Variants in COL23A1 observed in about 807,000 individuals in gnomAD.
COL23A1 encodes collagen alpha-1(XXIII) chain.
Under a neutral mutation model 99.3 loss-of-function variants are expected in COL23A1, and 97 were observed. That is an observed-to-expected ratio of 0.98 (90% confidence interval 0.83 to 1.16). The LOEUF (loss-of-function observed/expected upper bound fraction) is 1.16, where lower values mean the gene tolerates loss of function less well. Ranked by LOEUF, COL23A1 falls within the 50% of genes most tolerant of loss-of-function variation. The pLI, the probability that COL23A1 is intolerant of heterozygous loss-of-function variation, is 0.00. For missense variants in COL23A1, 762 were observed against 757.4 expected (o/e 1.01, Z -0.07); for synonymous variants, 320 against 308.2 (o/e 1.04, Z -0.40).
At chr5:178,470,975 C>A (rs992584258) in intron 2 of COL23A1, among the ~76,000 whole-genome samples, 2 of 152,216 alleles carry the variant, frequency 1.3e-5, no homozygotes, top group African/African-American at 4.8e-5. Flanking sequence ...ACCAGACCCT[C>A]TGAGCTTTGC....
chr5:178,325,222 C>T (rs1342201227), intron 2 of COL23A1, among the ~76,000 whole-genome samples: 1 of 152,336 alleles, frequency 6.6e-6, no homozygotes, highest in Non-Finnish European at 1.5e-5. Context: ...TTGCCTCCTT[C>T]CTCTCATTCC....
At chr5:178,324,079 C>T (rs1486650227) in intron 2 of COL23A1, among the ~76,000 whole-genome samples, 1 of 152,098 alleles carries the variant, frequency 6.6e-6, no homozygotes, top group Admixed American at 6.5e-5. Flanking sequence ...GCCCTGGACA[C>T]AAGCAGCTCC....
chr5:178,433,601 G>C (rs373949805), intron 2 of COL23A1, among the ~76,000 whole-genome samples: 2 of 152,136 alleles, frequency 1.3e-5, no homozygotes, highest in African/African-American at 4.8e-5. Context: ...CCTCTGACCC[G>C]CAGCTCTCCA....
At chr5:178,257,358 T>A (rs879945690) in intron 13 of COL23A1, among the ~76,000 whole-genome samples, 165 bp downstream of exon 13, 4 of 152,090 alleles carry the variant, frequency 2.6e-5, no homozygotes, top group Admixed American at 2.0e-4. Context: ...ACGCTGGGCC[T>A]GTTGTGTGGT....
At chr5:178,399,763 A>G (rs1764336502) in intron 2 of COL23A1, among the ~76,000 whole-genome samples, 1 of 152,242 alleles carries the variant, frequency 6.6e-6, no homozygotes, top group East Asian at 1.9e-4. Context: ...ATCTCTAACT[A>G]AAACCTCACT....
At position 178,256,846 on chromosome 5, in the gene COL23A1, G is replaced by C. The variant is rs757731073; in HGVS notation, c.837+20C>G. 5.6e-6 allele frequency: 9 copies of C among 1,609,910 alleles called. No individual in the cohort carries two copies. The African/African-American group carries it at 1.1e-4, about 19-fold the overall frequency. Reference sequence around the variant, plus strand: ...CTGAGCGGGGCCCGCAGGCGCCAGAGCAGAGAGCTCTCATGTCACCTTCGG... The same window carrying C: ...CTGAGCGGGGCCCGCAGGCGCCAGACCAGAGAGCTCTCATGTCACCTTCGG... On this transcript the variant is annotated intron_variant, in intron 14 of 28. Transcript: ENST00000390654.
chr5:178,433,196 T>C (rs1766358467), intron 2 of COL23A1, among the ~76,000 whole-genome samples: 1 of 150,536 alleles, frequency 6.6e-6, no homozygotes, highest in African/African-American at 2.4e-5. Flanking sequence ...AGAACCCAGC[T>C]GTAAGCTCTG....
chr5:178,581,162 T>C (rs910743919), intron 1 of COL23A1, among the ~76,000 whole-genome samples: 2 of 152,226 alleles, frequency 1.3e-5, no homozygotes, highest in African/African-American at 2.4e-5. Context: ...AAAAGATATA[T>C]TGAATCCACG....
intron 1 of COL23A1, among the ~76,000 whole-genome samples, chr5:178,569,817 T>C (rs640037): frequency 0.37 from 55,587 of 151,960 alleles, 11,388 homozygotes; most frequent in African/African-American, 0.56. Context: ...CACAGTTCCC[T>C]GCCACACAGC....
rs531553500 is a variant in COL23A1 at position 178,446,622 on chromosome 5, G to T, written c.361+114060C>A. On this transcript the variant is annotated intron_variant, in intron 2 of 28. Coordinates refer to ENST00000390654, the MANE Select transcript of COL23A1 (RefSeq NM_173465.4). ...TAGCCACCGCTGTCATAGATACTAT[G>T]AAGTCTGACATTTTTAAACATTGCT... Among the ~76,000 whole-genome samples, 115 of 152,284 alleles carry T rather than the reference G, an allele frequency of 7.6e-4. 1 individual carries two copies. The highest frequency in any genetic ancestry group is 2.6e-3 in the African/African-American group (110 of 41,556).
At chr5:178,559,485 A>C (rs1762446404) in intron 2 of COL23A1, among the ~76,000 whole-genome samples, 1 of 150,944 alleles carries the variant, frequency 6.6e-6, no homozygotes, top group African/African-American at 2.4e-5. Flanking sequence ...ACATCACCCA[A>C]AAGCCACCTT....
rs1405309708 is a variant in COL23A1 at position 178,358,755 on chromosome 5, GTGTGTGTGTA to G, written c.362-51846_362-51837del. Among the ~76,000 whole-genome samples the G allele has an allele frequency of 3.3e-3, 450 of 138,378 alleles. 3 individuals are homozygous for G. The highest frequency in any genetic ancestry group is 0.01 in the African/African-American group (395 of 37,850). 90.8% of individuals were successfully genotyped at this position (138,378 alleles called of 152,430 possible). On this transcript the variant is annotated intron_variant, in intron 2 of 28. Transcript: ENST00000390654. ...TGTATGTGTATCTGTGTGTGTATCTGTGTGTGTGTATGTGTGTGTATGTGTATGTGTGTAA... is the reference window on the plus strand; with the variant it reads ...TGTATGTGTATCTGTGTGTGTATCTGTGTGTGTGTATGTGTATGTGTGTAA...
intron 2 of COL23A1, among the ~76,000 whole-genome samples, chr5:178,498,351 C>A (rs1227192610): frequency 6.7e-6 from 1 of 148,934 alleles, no homozygotes; most frequent in Non-Finnish European, 1.5e-5. Context: ...ACAGATTTAT[C>A]AACACAAATA....
In COL23A1 at chr5:178,400,298, C is replaced by T. The variant is rs1214600523; in HGVS notation, c.362-93379G>A. Among the ~76,000 whole-genome samples, 10 of 129,736 alleles carry T rather than the reference C, an allele frequency of 7.7e-5. No homozygotes were observed. In the East Asian group the frequency reaches 1.0e-3, roughly 13 times the overall value. 85.1% of individuals were successfully genotyped at this position (129,736 alleles called of 152,430 possible). ...AGGAGAATGGCGTGAACCTGGGAGGCGGAGCTTGCAGTGAGCCGAGATCGC... is the reference window on the plus strand; with the variant it reads ...AGGAGAATGGCGTGAACCTGGGAGGTGGAGCTTGCAGTGAGCCGAGATCGC... On this transcript the variant is annotated intron_variant, in intron 2 of 28. Coordinates refer to ENST00000390654, the MANE Select transcript of COL23A1 (RefSeq NM_173465.4).
intron 2 of COL23A1, among the ~76,000 whole-genome samples, chr5:178,526,352 G>C (rs1009510037): frequency 6.6e-6 from 1 of 152,216 alleles, no homozygotes; most frequent in African/African-American, 2.4e-5. Flanking sequence ...ACAGTGACAG[G>C]CTCACGGGAC....
At chr5:178,269,486 CCCACCCATCCACCCAT>C (rs1561810166) in intron 6 of COL23A1, among the ~76,000 whole-genome samples, 1 of 69,388 alleles carries the variant, frequency 1.4e-5, no homozygotes, top group Non-Finnish European at 2.6e-5. Flanking sequence ...CACCCATCCA[CCCACCCATCCACCCAT>C]CCACCCATCC....
At chr5:178,328,684 G>A (rs1486770905) in intron 2 of COL23A1, among the ~76,000 whole-genome samples, 2 of 152,176 alleles carry the variant, frequency 1.3e-5, no homozygotes, top group Admixed American at 1.3e-4. Flanking sequence ...GGGGGTGCAT[G>A]CTCAACTAAT....
At chr5:178,479,626 AG>A (rs1479391932) in intron 2 of COL23A1, among the ~76,000 whole-genome samples, 2 of 152,204 alleles carry the variant, frequency 1.3e-5, no homozygotes, top group Non-Finnish European at 2.9e-5. Context: ...GGACAAGTGG[AG>A]AAATGTGAAT....
At position 178,307,070 on chromosome 5, in the gene COL23A1, G is replaced by A; in HGVS notation, c.362-151C>T. 1.9e-6 allele frequency: 1 copy of A among 529,834 alleles called. No individual in the cohort carries two copies. Among genetic ancestry groups the A allele is most frequent in the Non-Finnish European group, 3.3e-6 (1 of 300,224 alleles). The allele number at this position is 529,834 out of a possible 1,614,324, so 32.8% of individuals were successfully genotyped here. A position where few individuals can be genotyped will look rare whatever the true frequency, so the allele number is the denominator to read the frequency against. On this transcript the variant is annotated intron_variant, in intron 2 of 28. Transcript: ENST00000390654. The surrounding 1 kb of genome is among the most constrained non-coding windows in gnomAD (Gnocchi z 4.2). ...GTCTGCTGGCTGTGGAGGGGGAGAT[G>A]CGTGGGGAGAAACCCCTTCCTTCTG... is the stretch of plus-strand genomic sequence containing the variant.
Sources: gnomAD v4.1 joint callset for allele counts (sites outside exome capture counted in the v4.1 genomes callset) on GRCh38, gnomAD v4.1.1 for gene constraint, Gnocchi (gnomAD v3.1) non-coding constraint, MANE v1.5 for transcripts, NCBI Gene and HGNC (gene_info 2026-07-23, HGNC 2026-07-21) for gene names.